The following NLGN1 variants were observed in gnomAD, a reference collection of about 807,000 sequenced individuals.
The protein encoded by NLGN1 is neuroligin-1.
NLGN1 carries 12 observed loss-of-function variants against 65.5 expected under a neutral mutation model. That is an observed-to-expected ratio of 0.18 (90% CI 0.12 to 0.30). The LOEUF (loss-of-function observed/expected upper bound fraction) is 0.30. Ranked by LOEUF, NLGN1 falls within the 10% of genes least tolerant of loss-of-function variation. The probability of loss-of-function intolerance (pLI) is 1.00; values close to 1 mark genes in which losing one functional copy is unlikely to be tolerated. For synonymous variants in NLGN1, 350 were observed against 359.5 expected, an observed-to-expected ratio of 0.97 and a Z score of 0.30; for missense variants, 750 against 1,007.1, an observed-to-expected ratio of 0.74 and a Z score of 3.46.
chr3:173,796,349 C>T (rs1434116466), intron 3 of NLGN1, among the ~76,000 whole-genome samples: 2 of 152,032 alleles, frequency 1.3e-5, no homozygotes, highest in East Asian at 1.9e-4. Context: ...AGGCTCTGGT[C>T]GGATTCTGAA....
At chr3:174,139,987 G>T (rs1302204757) in intron 4 of NLGN1, among the ~76,000 whole-genome samples, 1 of 152,068 alleles carries the variant, frequency 6.6e-6, no homozygotes, top group African/African-American at 2.4e-5. Context: ...GTATATTTTA[G>T]ATAACAGTTA....
At chr3:174,105,887 G>C (rs1247317583) in intron 4 of NLGN1, among the ~76,000 whole-genome samples, 1 of 152,038 alleles carries the variant, frequency 6.6e-6, no homozygotes, top group Non-Finnish European at 1.5e-5. Flanking sequence ...CTATCCCATG[G>C]CCATGGAATT....
chr3:174,244,633 A>G (rs1306709032), intron 4 of NLGN1, among the ~76,000 whole-genome samples: 1 of 152,206 alleles, frequency 6.6e-6, no homozygotes, highest in Non-Finnish European at 1.5e-5. Context: ...CTATTACTAC[A>G]AACAATTGAG....
At chr3:173,896,832 T>G (rs1477153212) in intron 4 of NLGN1, among the ~76,000 whole-genome samples, 14 of 152,122 alleles carry the variant, frequency 9.2e-5, no homozygotes, top group Non-Finnish European at 2.1e-4. Flanking sequence ...TTCCCTCAGC[T>G]AGAGACCTGG....
At chr3:174,036,573 GGTT>G (rs1731167301) in intron 4 of NLGN1, among the ~76,000 whole-genome samples, 5 of 84,684 alleles carry the variant, frequency 5.9e-5, no homozygotes, top group South Asian at 4.8e-4. Flanking sequence ...TATGGAAATA[GGTT>G]TTTTGTTGTT....
intron 3 of NLGN1, among the ~76,000 whole-genome samples, chr3:173,640,953 G>A (rs776928787): frequency 6.6e-6 from 1 of 152,042 alleles, no homozygotes; most frequent in Non-Finnish European, 1.5e-5. Context: ...TGAACACTTG[G>A]TTAAGACAGT....
intron 3 of NLGN1, among the ~76,000 whole-genome samples, chr3:173,725,876 G>A (rs192406370): frequency 1.1e-4 from 17 of 152,054 alleles, no homozygotes; most frequent in African/African-American, 3.1e-4. Flanking sequence ...CTGTTGGCTG[G>A]AAGTCACTCT....
At chr3:174,223,191 A>G (rs1738977386) in intron 4 of NLGN1, among the ~76,000 whole-genome samples, 1 of 152,096 alleles carries the variant, frequency 6.6e-6, no homozygotes, top group Non-Finnish European at 1.5e-5. Flanking sequence ...AGCACCTCCC[A>G]CTTCACCTCA....
At chr3:174,171,329 A>G (rs969455637) in intron 4 of NLGN1, among the ~76,000 whole-genome samples, 30 of 152,280 alleles carry the variant, frequency 2.0e-4, no homozygotes, top group Non-Finnish European at 8.8e-5. Flanking sequence ...TCTTTATTAA[A>G]AGAAATTAAA....
rs561264346 is a variant in NLGN1, at chr3:173,860,356, G to C, written c.646+52524G>C. On this transcript the variant is annotated intron_variant, in intron 4 of 6. Coordinates refer to ENST00000457714, the Ensembl canonical transcript of NLGN1. Reference sequence around the variant, plus strand: ...TGTGTTTTGGGGTTTCCAAATTTCTGAACATTGTTGGCAATTTTTTACATT... The same window carrying C: ...TGTGTTTTGGGGTTTCCAAATTTCTCAACATTGTTGGCAATTTTTTACATT... 2.0e-5 allele frequency among the ~76,000 whole-genome samples: 3 copies of C among 152,002 alleles called. No individual in the cohort carries two copies. The East Asian group carries it at 5.8e-4, about 29-fold the overall frequency.
intron 4 of NLGN1, among the ~76,000 whole-genome samples, chr3:174,272,882 A>G (rs1441662285): frequency 2.0e-5 from 3 of 151,582 alleles, no homozygotes; most frequent in Admixed American, 2.0e-4. Context: ...TCTACTTTCT[A>G]TGCTGTGGTT....
chr3:174,254,676 T>C (rs144994976), intron 4 of NLGN1, among the ~76,000 whole-genome samples: 170 of 152,264 alleles, frequency 1.1e-3, no homozygotes, highest in African/African-American at 3.9e-3. Flanking sequence ...CAATCTACCA[T>C]TGTGTCTACC....
chr3:174,291,437 CAT>C (rs1160669281), downstream of NLGN1, among the ~76,000 whole-genome samples: 3 of 151,132 alleles, frequency 2.0e-5, no homozygotes, highest in African/African-American at 7.3e-5. Flanking sequence ...AACATCAAGA[CAT>C]ATGCTAATAA....
intron 2 of NLGN1, among the ~76,000 whole-genome samples, chr3:173,592,779 T>C (rs1748752164): frequency 6.6e-6 from 1 of 152,230 alleles, no homozygotes; most frequent in African/African-American, 2.4e-5. Context: ...ACACACCCTG[T>C]ACTCTCAAAG....
intron 4 of NLGN1, among the ~76,000 whole-genome samples, chr3:173,977,037 G>C (rs1363211183): frequency 6.6e-6 from 1 of 151,858 alleles, no homozygotes; most frequent in Non-Finnish European, 1.5e-5. Flanking sequence ...ATAGAATTGT[G>C]AGCAAATAGT....
At chr3:174,147,467 C>G (rs1038237115) in intron 4 of NLGN1, among the ~76,000 whole-genome samples, 2 of 34,642 alleles carry the variant, frequency 5.8e-5, no homozygotes. Flanking sequence ...GAGTTTTGCT[C>G]TTTTTGCTCA....
intron 3 of NLGN1, among the ~76,000 whole-genome samples, chr3:173,684,920 T>G (rs988875202): frequency 8.5e-5 from 13 of 152,182 alleles, no homozygotes; most frequent in African/African-American, 1.7e-4. Context: ...TTGCTCTACT[T>G]CTGATAATTC....
chr3:173,420,013 A>AAAAAAAATAAATAAAATAAAAT (rs1714701012), intron 1 of NLGN1, among the ~76,000 whole-genome samples: 2 of 149,284 alleles, frequency 1.3e-5, no homozygotes, highest in African/African-American at 5.1e-5. Context: ...AAAATAAAAT[A>AAAAAAAATAAATAAAATAAAAT]ATAGTGACCC....
At chr3:174,237,599 C>A (rs1741963878) in intron 4 of NLGN1, among the ~76,000 whole-genome samples, 1 of 151,992 alleles carries the variant, frequency 6.6e-6, no homozygotes, top group Non-Finnish European at 1.5e-5. Context: ...ACTCTGTCAC[C>A]CAGCTGGACT....
Sources: gnomAD v4.1 joint callset for allele counts (sites outside exome capture counted in the v4.1 genomes callset) on GRCh38, gnomAD v4.1.1 for gene constraint, MANE v1.5 for transcripts, NCBI Gene and HGNC (gene_info 2026-07-23, HGNC 2026-07-21) for gene names.